The following EPG5 variants were observed in gnomAD, a reference collection of about 807,000 sequenced individuals.
EPG5 encodes the protein ectopic P-granules 5 autophagy tethering factor, also known as ectopic P granules protein 5 homolog.
Under a neutral mutation model 302.7 loss-of-function variants are expected in EPG5, and 159 were observed. The observed-to-expected ratio is 0.53, with a 90% CI of 0.46 to 0.60. The LOEUF (loss-of-function observed/expected upper bound fraction) is 0.60, where lower values mean the gene tolerates loss of function less well. EPG5 is among the 20% of genes least tolerant of loss of function. The pLI is 0.00. For synonymous variants in EPG5, 1,158 were observed against 1,136.8 expected (o/e 1.02, Z -0.37); for missense variants, 2,896 against 3,092.4 (o/e 0.94, Z 1.51).
intron 27 of EPG5, 96 bp downstream of exon 27, chr18:45,899,290 ATGTTTGGGACACAGACAG>A: frequency 5.6e-6 from 7 of 1,250,274 alleles, no homozygotes; most frequent in Non-Finnish European, 4.5e-6. Context: ...AAACTAGTAA[ATGTTTGGGACACAGACAG>A]TGTGCTATAT....
At chr18:45,805,530 A>G in the EPG5 span, among the ~76,000 whole-genome samples, 1 of 152,086 alleles carries the variant, frequency 6.6e-6, no homozygotes, top group African/African-American at 2.4e-5. Context: ...GAATAATATT[A>G]AATGTTAATA....
At chr18:45,827,163 G>A in the EPG5 span, among the ~76,000 whole-genome samples, 4 of 152,288 alleles carry the variant, frequency 2.6e-5, no homozygotes, top group Middle Eastern at 3.4e-3. Flanking sequence ...TGATCAGCCC[G>A]CCTTGGCCTC....
In EPG5 at chr18:45,857,976, G is replaced by A; in HGVS notation, c.7319C>T (p.Thr2440Ile). The change falls in exon 42 of 44, where the codon ACA becomes ATA. Residue 2440 changes from threonine to isoleucine, a missense_variant. Around this residue, in one of 5 missense-constraint regions of EPG5, gnomAD observed 620 missense variants for 704.2 expected, o/e 0.88. Coordinates refer to ENST00000282041, the MANE Select transcript of EPG5 (RefSeq NM_020964.3). ...GAGCAGAATTCGAATGACAGATTCT[G>A]TCAGGACGGAGTCATTCTGCTCTGT... Reference protein sequence around the residue: ...IQTEQNDSVLTESVIRILLLV... With the variant: ...IQTEQNDSVLIESVIRILLLV... The A allele has an allele frequency of 6.2e-7, 1 of 1,613,700 alleles. No homozygotes were observed. Among genetic ancestry groups the A allele is most frequent in the East Asian group, 2.2e-5 (1 of 44,886 alleles).
At chr18:45,822,545 A>T in the EPG5 span, among the ~76,000 whole-genome samples, 1 of 152,224 alleles carries the variant, frequency 6.6e-6, no homozygotes, top group Admixed American at 6.5e-5. Context: ...GAAGAAGGAT[A>T]TTGAATTTTC....
chr18:45,963,497 C>T (rs1599665959), intron 1 of EPG5, among the ~76,000 whole-genome samples: 1 of 152,264 alleles, frequency 6.6e-6, no homozygotes, highest in East Asian at 1.9e-4. Context: ...ATTAGCCCAG[C>T]ATGGTGGCAG....
At chr18:45,925,691 G>C in intron 14 of EPG5, 47 bp downstream of exon 14, 2 of 1,359,640 alleles carry the variant, frequency 1.5e-6, no homozygotes, top group Non-Finnish European at 1.9e-6. Context: ...CTTTGAAACA[G>C]ATGCATGTAC....
chr18:45,801,509 A>G, the EPG5 span, among the ~76,000 whole-genome samples: 2 of 152,192 alleles, frequency 1.3e-5, no homozygotes, highest in African/African-American at 4.8e-5. Context: ...CCAGCAGGAA[A>G]AGGACCTGCC....
intron 4 of EPG5, among the ~76,000 whole-genome samples, chr18:45,950,386 C>G (rs1457175608): frequency 6.6e-6 from 1 of 152,076 alleles, no homozygotes; most frequent in Non-Finnish European, 1.5e-5. Flanking sequence ...CCGGTCTTTC[C>G]CATGCTATTC....
Position 45,850,574 on chromosome 18 carries a change from C to A in EPG5, c.*1893G>T, listed in dbSNP as rs1282133282. The A allele has an allele frequency of 6.6e-6, 1 of 152,248 alleles. No homozygotes were observed. Among genetic ancestry groups the A allele is most frequent in the Non-Finnish European group, 1.5e-5 (1 of 68,020 alleles). 9.4% of individuals were successfully genotyped at this position (152,248 alleles called of 1,614,324 possible). On this transcript the variant is annotated 3_prime_UTR_variant, in exon 44 of 44. Coordinates refer to ENST00000282041, the MANE Select transcript of EPG5 (RefSeq NM_020964.3). ...ATTAAATGACATCAGGCATAAAAAC[C>A]TACAGCAACTTTAACAGCTGAAACA...
intron 5 of EPG5, 69 bp from the exon 6 acceptor site, chr18:45,948,645 C>T: frequency 7.7e-7 from 1 of 1,303,848 alleles, no homozygotes; most frequent in Admixed American, 1.9e-5. Flanking sequence ...TCTTGGTTCA[C>T]AAGCATTCTG....
At chr18:45,927,978 G>A (rs958591476) in intron 13 of EPG5, among the ~76,000 whole-genome samples, 3 of 152,106 alleles carry the variant, frequency 2.0e-5, no homozygotes, top group African/African-American at 7.2e-5. Context: ...TGGATCACCT[G>A]AGGTTAGGAG....
intron 10 of EPG5, among the ~76,000 whole-genome samples, chr18:45,935,332 C>G (rs1378136465): frequency 6.6e-6 from 1 of 152,196 alleles, no homozygotes; most frequent in Non-Finnish European, 1.5e-5. Context: ...CACTTGAGGT[C>G]AGGAGTTCGA....
the EPG5 span, chr18:45,842,130 T>A: frequency 6.2e-7 from 1 of 1,614,200 alleles, no homozygotes; most frequent in East Asian, 2.2e-5. Flanking sequence ...AGTCCAATTA[T>A]GAAAATTTGA....
At chr18:45,842,092 T>C in the EPG5 span, 2 of 1,613,760 alleles carry the variant, frequency 1.2e-6, no homozygotes, top group Non-Finnish European at 1.7e-6. Flanking sequence ...CATTCAACTT[T>C]CTCCTGTCCA....
the EPG5 span, among the ~76,000 whole-genome samples, chr18:45,826,103 C>G: frequency 9.9e-4 from 151 of 152,228 alleles, 1 homozygote; most frequent in Admixed American, 9.7e-3. Flanking sequence ...ATCACAGGCT[C>G]TGAACAAGCT....
chr18:45,931,705 C>G (rs778444088), intron 11 of EPG5, among the ~76,000 whole-genome samples: 1 of 151,992 alleles, frequency 6.6e-6, no homozygotes, highest in East Asian at 1.9e-4. Context: ...CGTGGTGGCA[C>G]ACGCCTGTAG....
intron 10 of EPG5, 145 bp from the exon 11 acceptor site, chr18:45,935,111 A>G (rs2050489900): frequency 2.4e-6 from 2 of 836,270 alleles, no homozygotes; most frequent in East Asian, 5.4e-5. Context: ...CACCTCAAGG[A>G]TGGCTAAGAA....
At chr18:45,846,847 G>T (rs182660058), downstream of EPG5, among the ~76,000 whole-genome samples, 15 of 152,290 alleles carry the variant, frequency 9.8e-5, no homozygotes, top group Non-Finnish European at 1.6e-4. Context: ...CTAAACAAGG[G>T]GTGGCAAAGA....
the EPG5 span, among the ~76,000 whole-genome samples, chr18:45,820,905 G>A: frequency 6.6e-6 from 1 of 152,192 alleles, no homozygotes. Flanking sequence ...TCATTACCAA[G>A]TCCCTAAACA....
Sources: allele counts gnomAD v4.1 joint callset (sites outside exome capture counted in the v4.1 genomes callset), GRCh38; gene constraint gnomAD v4.1.1; regional missense constraint gnomAD v4.1.1; transcripts MANE v1.5; gene names NCBI Gene and HGNC (gene_info 2026-07-23, HGNC 2026-07-21).